The following IFNA6 variants were observed in gnomAD, a reference collection of about 807,000 sequenced individuals.
IFNA6 encodes interferon alpha 6.
For missense variants in IFNA6, 235 were observed against 212.4 expected (o/e 1.11, Z -0.66); for synonymous variants, 96 against 79.2 (o/e 1.21, Z -1.13).
exon 1 of IFNA6, chr9:21,350,497 C>G: frequency 6.2e-7 from 1 of 1,614,012 alleles, no homozygotes; most frequent in Non-Finnish European, 8.5e-7. Context: ...AGGGGAGTCC[C>G]TCCCACCCAC....
Position 21,350,580 on chromosome 9 carries a change from C to G in IFNA6, c.308G>C (p.Arg103Thr), listed in dbSNP as rs752045218. 7 of 1,613,838 alleles carry G rather than the reference C, an allele frequency of 4.3e-6. No homozygotes were observed. In the Admixed American group the frequency reaches 5.0e-5, roughly 12 times the overall value. ...TTCAGTATAGAGTTTGTCTAGAAGCCTCTCATCCCAAGCAACAGATGAGTC... is the reference window on the plus strand; with the variant it reads ...TTCAGTATAGAGTTTGTCTAGAAGCGTCTCATCCCAAGCAACAGATGAGTC... Residue 103 changes from arginine (R) to threonine (T), a missense_variant, in exon 1 of 1, where the codon AGG (arginine) becomes ACG (threonine). Transcript: ENST00000380210.
At chr9:21,350,576 A>C (rs1195601924) in exon 1 of IFNA6, 3 of 1,613,986 alleles carry the variant, frequency 1.9e-6, no homozygotes, top group Admixed American at 3.3e-5. Flanking sequence ...GTTTGTCTAG[A>C]AGCCTCTCAT....
chr9:21,350,610 G>T (rs1318318193), exon 1 of IFNA6: 1 of 1,614,006 alleles, frequency 6.2e-7, no homozygotes, highest in Non-Finnish European at 8.5e-7. Context: ...TGAGTCCTTT[G>T]TGCTGAAGAG....
chr9:21,350,738 G>A (rs144160887), exon 1 of IFNA6: 6 of 1,614,022 alleles, frequency 3.7e-6, no homozygotes, highest in Non-Finnish European at 5.1e-6. Context: ...TCAGACAGGA[G>A]AAAAGAGAGA....
exon 1 of IFNA6, chr9:21,350,826 GAGC>G: frequency 1.2e-6 from 2 of 1,613,952 alleles, no homozygotes; most frequent in Non-Finnish European, 1.7e-6. Context: ...ACAGTCCAGA[GAGC>G]AGCTTGACTT....
At chr9:21,350,580 C>T (rs752045218) in exon 1 of IFNA6, 6 of 1,613,956 alleles carry the variant, frequency 3.7e-6, no homozygotes, top group Non-Finnish European at 3.4e-6. Flanking sequence ...GTCTAGAAGC[C>T]TCTCATCCCA....
exon 1 of IFNA6, chr9:21,350,632 G>C: frequency 6.2e-7 from 1 of 1,614,026 alleles, no homozygotes. Flanking sequence ...TTGAAGGTCT[G>C]CTGAATCACC....
At chr9:21,350,836 A>T in exon 1 of IFNA6, 1 of 1,613,866 alleles carries the variant, frequency 6.2e-7, no homozygotes, top group South Asian at 1.1e-5. Context: ...GAGCAGCTTG[A>T]CTTGCAGCTG....
exon 1 of IFNA6, chr9:21,350,426 C>T: frequency 1.2e-6 from 2 of 1,613,986 alleles, no homozygotes; most frequent in Non-Finnish European, 8.5e-7. Flanking sequence ...TTTTCTCTGT[C>T]AGGTAGAGAG....
exon 1 of IFNA6, chr9:21,350,500 C>T: frequency 1.2e-6 from 2 of 1,613,994 alleles, no homozygotes; most frequent in Middle Eastern, 1.7e-4. Flanking sequence ...GGAGTCCCTC[C>T]CACCCACACC....
At chr9:21,350,648 G>A (rs753337075) in exon 1 of IFNA6, 46 of 1,613,874 alleles carry the variant, frequency 2.9e-5, no homozygotes, top group Non-Finnish European at 3.9e-5. Context: ...TCACCTCATG[G>A]AGGACAGAGA....
At chr9:21,350,820 T>C (rs2133043556) in exon 1 of IFNA6, 1 of 1,613,908 alleles carries the variant, frequency 6.2e-7, no homozygotes, top group Admixed American at 1.7e-5. Context: ...CAGATCACAG[T>C]CCAGAGAGCA....
chr9:21,350,677 A>T, exon 1 of IFNA6: 1 of 1,613,982 alleles, frequency 6.2e-7, no homozygotes, highest in South Asian at 1.1e-5. Flanking sequence ...GCCTTCTGGA[A>T]CTGGTTGCCA....
exon 1 of IFNA6, chr9:21,350,337 C>T (rs1820432884): frequency 6.2e-6 from 10 of 1,611,352 alleles, no homozygotes; most frequent in Non-Finnish European, 8.5e-6. Context: ...CCTCCTTAAC[C>T]TTTCTTGCAA....
exon 1 of IFNA6, chr9:21,350,610 G>A: frequency 6.2e-7 from 1 of 1,614,006 alleles, no homozygotes. Context: ...TGAGTCCTTT[G>A]TGCTGAAGAG....
exon 1 of IFNA6, chr9:21,350,621 G>A (rs2988573): frequency 0.17 from 270,807 of 1,613,598 alleles, 23,994 homozygotes; most frequent in East Asian, 0.29. Flanking sequence ...TGCTGAAGAG[G>A]TTGAAGGTCT....
exon 1 of IFNA6, chr9:21,350,558 A>G: frequency 6.2e-7 from 1 of 1,614,008 alleles, no homozygotes; most frequent in Admixed American, 1.7e-5. Context: ...GGTAAAGTTC[A>G]GTATAGAGTT....
At chr9:21,350,755 T>G (rs1820443010) in exon 1 of IFNA6, 1 of 1,613,912 alleles carries the variant, frequency 6.2e-7, no homozygotes, top group Non-Finnish European at 8.5e-7. Context: ...GAGATTCTCC[T>G]CATTTGTGCC....
At chr9:21,350,848 G>GCAC in exon 1 of IFNA6, 1 of 1,613,938 alleles carries the variant, frequency 6.2e-7, no homozygotes, top group Non-Finnish European at 8.5e-7. Context: ...TTGCAGCTGA[G>GCAC]CACCACCAGG....
Sources: allele counts gnomAD v4.1 joint callset, GRCh38; gene constraint gnomAD v4.1.1; transcripts MANE v1.5; gene names NCBI Gene and HGNC (gene_info 2026-07-23, HGNC 2026-07-21).